Variants in FAM193A observed in about 807,000 individuals in gnomAD.
FAM193A encodes the protein family with sequence similarity 193 member A.
FAM193A carries 22 observed loss-of-function variants against 126.5 expected under a neutral mutation model. The observed-to-expected ratio is 0.17, with a 90% CI of 0.12 to 0.25. FAM193A has a LOEUF of 0.25. Ranked by LOEUF, FAM193A falls within the 10% of genes least tolerant of loss-of-function variation. The probability of loss-of-function intolerance (pLI) is 1.00; values close to 1 mark genes in which losing one functional copy is unlikely to be tolerated. For synonymous variants in FAM193A, 761 were observed against 646.8 expected (o/e 1.18, Z -2.68); for missense variants, 1,675 against 1,672.8 (o/e 1.00, Z -0.02).
intron 2 of FAM193A, among the ~76,000 whole-genome samples, chr4:2,605,316 T>TA (rs1289958080): frequency 6.6e-6 from 1 of 152,204 alleles, no homozygotes; most frequent in African/African-American, 2.4e-5. Flanking sequence ...TGTTCTTTGT[T>TA]AGTTATATCA....
intron 1 of FAM193A, 61 bp downstream of exon 1, chr4:2,537,231 T>G: frequency 5.3e-6 from 1 of 187,474 alleles, no homozygotes; most frequent in Non-Finnish European, 1.1e-5. Context: ...CCTCGCGCCT[T>G]GGCGGAGCTC....
At chr4:2,634,939 C>T (rs1197620099) in intron 5 of FAM193A, among the ~76,000 whole-genome samples, 1 of 152,210 alleles carries the variant, frequency 6.6e-6, no homozygotes, top group Non-Finnish European at 1.5e-5. Flanking sequence ...TTTTGCCACT[C>T]TGACTTCATT....
intron 7 of FAM193A, chr4:2,655,224 A>C (rs982479153): frequency 1.2e-5 from 6 of 513,052 alleles, no homozygotes; most frequent in Non-Finnish European, 2.1e-5. Context: ...TAGTTGATTT[A>C]GGCTATCATT....
intron 1 of FAM193A, among the ~76,000 whole-genome samples, chr4:2,538,949 G>A (rs1200290016): frequency 1.3e-5 from 2 of 151,776 alleles, no homozygotes; most frequent in African/African-American, 4.8e-5. Flanking sequence ...GGAGTGCAGT[G>A]GTGCGATCTT....
At chr4:2,659,410 G>C (rs1330406444) in intron 8 of FAM193A, 148 bp from the exon 9 acceptor site, 2 of 638,858 alleles carry the variant, frequency 3.1e-6, no homozygotes, top group Non-Finnish European at 2.8e-6. Flanking sequence ...GCCGACTCCA[G>C]GTCTGCTGCC....
intron 2 of FAM193A, chr4:2,607,749 G>GACCATCT (rs1212630300): frequency 4.4e-6 from 2 of 459,340 alleles, no homozygotes; most frequent in Non-Finnish European, 7.6e-6. Context: ...GGCTATGCTG[G>GACCATCT]ACCATCTGAA....
In FAM193A at chr4:2,553,376, C is replaced by CTTT. The variant is rs1414434801; in HGVS notation, c.255+16209_255+16211dup. Among the ~76,000 whole-genome samples the CTTT allele has an allele frequency of 1.6e-3, 200 of 124,068 alleles. 9 individuals are homozygous for CTTT. The highest frequency in any genetic ancestry group is 2.1e-3 in the Non-Finnish European group (132 of 61,442). 81.4% of individuals were successfully genotyped at this position (124,068 alleles called of 152,430 possible). The stretch of plus-strand genomic sequence containing the variant: ...ATTAAGTAAAGTTCTAATTTCCCTT[C>CTTT]TTTTTGTTTTTTTTTTTTTTTTTGA... On this transcript the variant is annotated intron_variant, in intron 1 of 20. Coordinates refer to ENST00000637812, the MANE Select transcript of FAM193A (RefSeq NM_001366318.2).
chr4:2,592,595 G>T (rs1307686910), intron 1 of FAM193A, among the ~76,000 whole-genome samples: 1 of 152,158 alleles, frequency 6.6e-6, no homozygotes, highest in Non-Finnish European at 1.5e-5. Context: ...GCAAGCTCCA[G>T]CCTTGCCCAG....
intron 6 of FAM193A, among the ~76,000 whole-genome samples, chr4:2,643,198 TGA>T (rs1249864193): frequency 6.6e-6 from 1 of 152,194 alleles, no homozygotes; most frequent in African/African-American, 2.4e-5. Flanking sequence ...GCTCTGCAGC[TGA>T]CTCCCTTGTC....
At chr4:2,709,485 C>T (rs1444110061) in intron 19 of FAM193A, among the ~76,000 whole-genome samples, 8 of 151,984 alleles carry the variant, frequency 5.3e-5, no homozygotes, top group Non-Finnish European at 1.0e-4. Context: ...AGGAGGGGTG[C>T]GGATCACGAG....
At chr4:2,641,458 A>G (rs1353477616) in intron 6 of FAM193A, among the ~76,000 whole-genome samples, 10 of 151,956 alleles carry the variant, frequency 6.6e-5, no homozygotes, top group African/African-American at 2.2e-4. Context: ...GATCAAGACC[A>G]TCCTGGCTAA....
chr4:2,591,424 C>T (rs1246387186), intron 1 of FAM193A, among the ~76,000 whole-genome samples: 1 of 152,030 alleles, frequency 6.6e-6, no homozygotes, highest in Non-Finnish European at 1.5e-5. Flanking sequence ...GTCATAGGTA[C>T]AGTGTGAGGG....
At chr4:2,628,232 G>A (rs577201726) in intron 4 of FAM193A, among the ~76,000 whole-genome samples, 19 of 152,180 alleles carry the variant, frequency 1.2e-4, no homozygotes, top group Non-Finnish European at 2.2e-4. Flanking sequence ...CTTTCCTGGA[G>A]GCAGGGATAG....
intron 13 of FAM193A, among the ~76,000 whole-genome samples, chr4:2,672,576 A>G (rs1248381510): frequency 6.6e-6 from 1 of 152,236 alleles, no homozygotes; most frequent in Non-Finnish European, 1.5e-5. Flanking sequence ...ATCATTAAAA[A>G]CAACTGTGAA....
rs1011785087 is a variant in FAM193A at position 2,596,349 on chromosome 4, G to C, written c.501+20G>C. 4 of 696,156 alleles carry C rather than the reference G, an allele frequency of 5.7e-6. No homozygotes were observed. In the African/African-American group the frequency reaches 7.0e-5, roughly 12 times the overall value. The allele number at this position is 696,156 out of a possible 1,614,324, so 43.1% of individuals were successfully genotyped here. Reference sequence around the variant, plus strand: ...CCAGTGGTGAGTGGCTGCCAGCACAGGCAGCGCAGGGCGTTGGCTCCCCCC... The same window carrying C: ...CCAGTGGTGAGTGGCTGCCAGCACACGCAGCGCAGGGCGTTGGCTCCCCCC... On this transcript the variant is annotated intron_variant, in intron 2 of 20. Coordinates refer to ENST00000637812, the MANE Select transcript of FAM193A (RefSeq NM_001366318.2).
intron 13 of FAM193A, among the ~76,000 whole-genome samples, chr4:2,676,176 T>C (rs920474110): frequency 3.3e-5 from 5 of 152,222 alleles, no homozygotes; most frequent in African/African-American, 9.6e-5. Context: ...TAATTGTATT[T>C]TTAATTTTTG....
intron 20 of FAM193A, among the ~76,000 whole-genome samples, chr4:2,719,667 C>T (rs1157915726): frequency 6.6e-6 from 1 of 151,630 alleles, no homozygotes; most frequent in Admixed American, 6.6e-5. Flanking sequence ...ATCACTTGAA[C>T]CTGGGAGGCG....
chr4:2,657,359 T>A (rs1711833966), intron 7 of FAM193A, among the ~76,000 whole-genome samples: 1 of 152,218 alleles, frequency 6.6e-6, no homozygotes, highest in Non-Finnish European at 1.5e-5. Context: ...CTAACTTCTT[T>A]GTTAGTTTTG....
chr4:2,623,706 C>A (rs769835946), intron 2 of FAM193A, among the ~76,000 whole-genome samples: 2 of 152,166 alleles, frequency 1.3e-5, no homozygotes, highest in African/African-American at 4.8e-5. Flanking sequence ...CCACAGGCCA[C>A]CACCCGTCTC....
Sources: gnomAD v4.1 joint callset for allele counts (sites outside exome capture counted in the v4.1 genomes callset) on GRCh38, gnomAD v4.1.1 for gene constraint, MANE v1.5 for transcripts, NCBI Gene and HGNC (gene_info 2026-07-23, HGNC 2026-07-21) for gene names.